SLIT3: variants seen among roughly 807,000 people sequenced by gnomAD.
The protein encoded by SLIT3 is slit homolog 3 protein.
Under a neutral mutation model 184.0 loss-of-function variants are expected in SLIT3, and 68 were observed. The observed-to-expected ratio is 0.37, with a 90% CI of 0.30 to 0.45. The LOEUF is 0.45. SLIT3 is among the 20% of genes least tolerant of loss of function. The pLI, the probability that SLIT3 is intolerant of heterozygous loss-of-function variation, is 1.00. For synonymous variants in SLIT3, 831 were observed against 828.6 expected, an observed-to-expected ratio of 1.00 and a Z score of -0.05; for missense variants, 1,707 against 2,026.0, an observed-to-expected ratio of 0.84 and a Z score of 3.02.
chr5:168,884,963 G>A (rs1760138111), intron 4 of SLIT3, among the ~76,000 whole-genome samples: 2 of 152,168 alleles, frequency 1.3e-5, no homozygotes, highest in Admixed American at 6.5e-5. Flanking sequence ...CTAATCAAAA[G>A]CTTTAGATGA....
At chr5:168,866,694 T>TATGTGATA (rs1324609119) in intron 5 of SLIT3, among the ~76,000 whole-genome samples, 4 of 152,214 alleles carry the variant, frequency 2.6e-5, no homozygotes, top group African/African-American at 7.2e-5. Context: ...GATTCATATT[T>TATGTGATA]TGACTCTGCT....
At chr5:168,893,060 C>T (rs748291826) in intron 4 of SLIT3, among the ~76,000 whole-genome samples, 11 of 152,178 alleles carry the variant, frequency 7.2e-5, no homozygotes, top group South Asian at 2.1e-4. Flanking sequence ...GGTACAACTG[C>T]GATTTTGGTG....
At chr5:168,702,693 T>C (rs1220064022) in intron 26 of SLIT3, among the ~76,000 whole-genome samples, 1 of 152,058 alleles carries the variant, frequency 6.6e-6, no homozygotes, top group Admixed American at 6.5e-5. Flanking sequence ...ATGATGATGA[T>C]GATGATGATG....
At chr5:169,242,888 T>A (rs1210755541) in intron 3 of SLIT3, among the ~76,000 whole-genome samples, 1 of 151,826 alleles carries the variant, frequency 6.6e-6, no homozygotes, top group Non-Finnish European at 1.5e-5. Context: ...TCATCGATAT[T>A]CCCTGGAGTT....
At chr5:168,857,686 A>C (rs73805260) in intron 5 of SLIT3, among the ~76,000 whole-genome samples, 2,706 of 152,324 alleles carry the variant, frequency 0.018, 99 homozygotes, top group African/African-American at 0.062. Context: ...AATGCAGTAC[A>C]TTGAGAATGT....
At chr5:169,262,927 C>T (rs1474944425) in intron 1 of SLIT3, among the ~76,000 whole-genome samples, 1 of 152,144 alleles carries the variant, frequency 6.6e-6, no homozygotes, top group Non-Finnish European at 1.5e-5. Context: ...TATTGAAGTC[C>T]TAACCCCAGC....
rs780503724 is a variant in SLIT3 at position 168,671,396 on chromosome 5, C to T, written c.3929G>A (p.Arg1310His). The change falls in exon 34 of 36, where the codon CGC (arginine) becomes CAC (histidine). Residue 1310 changes from arginine (R) to histidine (H), a missense_variant. Transcript: ENST00000519560. ...GAAGTCCTGCAGCTCGTTGTTGATG[C>T]GCACCTCATGGATGCATCCGTGGAA... ...GGFHGCIHEV[R>H]INNELQDFKA... 8 of 1,613,958 alleles carry T rather than the reference C, an allele frequency of 5.0e-6. No homozygotes were observed. Among genetic ancestry groups the T allele is most frequent in the East Asian group, 2.2e-5 (1 of 44,880 alleles).
At chr5:169,295,259 C>A (rs1286616925) in intron 1 of SLIT3, among the ~76,000 whole-genome samples, 1 of 152,234 alleles carries the variant, frequency 6.6e-6, no homozygotes, top group Non-Finnish European at 1.5e-5. Flanking sequence ...TTAGGTAACA[C>A]ATGACTGTAC....
chr5:168,699,867 T>C (rs1762165353), intron 27 of SLIT3, among the ~76,000 whole-genome samples: 1 of 152,224 alleles, frequency 6.6e-6, no homozygotes, highest in African/African-American at 2.4e-5. Context: ...CAGAAAAGCA[T>C]GGTGGAAGTG....
intron 1 of SLIT3, among the ~76,000 whole-genome samples, chr5:169,263,268 G>C (rs1291945981): frequency 2.0e-5 from 3 of 152,144 alleles, no homozygotes; most frequent in Non-Finnish European, 4.4e-5. Context: ...TTTAAGCCCA[G>C]GGGGGCAGAG....
intron 4 of SLIT3, among the ~76,000 whole-genome samples, chr5:168,987,989 T>C (rs1302025592): frequency 6.6e-6 from 1 of 152,242 alleles, no homozygotes; most frequent in Non-Finnish European, 1.5e-5. Flanking sequence ...TAAGGTGTTC[T>C]CTTCTAGGGA....
chr5:169,298,736 T>C (rs1160863667), intron 1 of SLIT3, among the ~76,000 whole-genome samples: 1 of 152,160 alleles, frequency 6.6e-6, no homozygotes, highest in Non-Finnish European at 1.5e-5. Context: ...CCAGTCAGGC[T>C]TGGATCCAAA....
At chr5:169,233,287 T>C (rs1021335985) in intron 3 of SLIT3, among the ~76,000 whole-genome samples, 1 of 152,172 alleles carries the variant, frequency 6.6e-6, no homozygotes, top group African/African-American at 2.4e-5. Context: ...CTTCCCAAAG[T>C]GCTGGGATTA....
intron 20 of SLIT3, among the ~76,000 whole-genome samples, chr5:168,746,538 TGGTGGTGTGC>T (rs1487305517): frequency 3.6e-5 from 4 of 111,894 alleles, no homozygotes; most frequent in Admixed American, 9.8e-5. Context: ...TGGCGGTGTG[TGGTGGTGTGC>T]GGTGGTGTGG....
In SLIT3 at chr5:168,881,517, C is replaced by T. The variant is rs574113128; in HGVS notation, c.485+1748G>A. On this transcript the variant is annotated intron_variant, in intron 5 of 35. Transcript: ENST00000519560. ...TCTGACTGATATATCACTTTATATA[C>T]GCAAAATGTTCTTTTGGGGTTCAAC... 1.3e-4 allele frequency among the ~76,000 whole-genome samples: 20 copies of T among 152,246 alleles called. No homozygotes were observed. The South Asian group carries it at 2.7e-3, about 21-fold the overall frequency.
At chr5:168,912,147 A>G (rs1761272285) in intron 4 of SLIT3, among the ~76,000 whole-genome samples, 3 of 152,190 alleles carry the variant, frequency 2.0e-5, no homozygotes, top group Non-Finnish European at 4.4e-5. Flanking sequence ...AACCAACGGT[A>G]AATTTATTTT....
At chr5:168,906,326 G>A (rs1313509343) in intron 4 of SLIT3, among the ~76,000 whole-genome samples, 1 of 152,192 alleles carries the variant, frequency 6.6e-6, no homozygotes, top group East Asian at 1.9e-4. Context: ...AACATCACAG[G>A]CAATTTATTG....
intron 5 of SLIT3, among the ~76,000 whole-genome samples, chr5:168,868,750 AAAAAAAAAAAAAAAAAG>A (rs1759403863): frequency 8.0e-6 from 1 of 124,884 alleles, no homozygotes; most frequent in East Asian, 2.0e-4. Context: ...TCTGCCTCAA[AAAAAAAAAAAAAAAAAG>A]AAAAAGAAAA....
intron 3 of SLIT3, among the ~76,000 whole-genome samples, chr5:169,230,894 T>C (rs1764979119): frequency 6.6e-6 from 1 of 152,200 alleles, no homozygotes; most frequent in Non-Finnish European, 1.5e-5. Flanking sequence ...ATGGTCAAAC[T>C]TACAGAAAAG....
Sources: gnomAD v4.1 joint callset for allele counts (sites outside exome capture counted in the v4.1 genomes callset) on GRCh38, gnomAD v4.1.1 for gene constraint, MANE v1.5 for transcripts, NCBI Gene and HGNC (gene_info 2026-07-23, HGNC 2026-07-21) for gene names.